SLAIN1: variants seen among roughly 807,000 people sequenced by gnomAD.
The protein encoded by SLAIN1 is SLAIN family member 1, also known as SLAIN motif-containing protein 1.
In SLAIN1, 17 loss-of-function variants were observed where a neutral mutation model predicts 55.4. That is an observed-to-expected ratio of 0.31 (90% CI 0.21 to 0.46). SLAIN1 has a LOEUF of 0.46. Among genes scored for constraint, SLAIN1 ranks in the 20% least tolerant of loss-of-function variants. SLAIN1 has a pLI of 1.00. For synonymous variants in SLAIN1, 348 were observed against 337.4 expected (o/e 1.03, Z -0.35); for missense variants, 682 against 785.1 (o/e 0.87, Z 1.57).
chr13:77,762,875 A>G (rs1350858173), intron 6 of SLAIN1, among the ~76,000 whole-genome samples: 1 of 152,164 alleles, frequency 6.6e-6, no homozygotes, highest in African/African-American at 2.4e-5. Context: ...AATATGTTTT[A>G]TACATTAAGG....
chr13:77,737,493 A>G (rs1356077686), intron 2 of SLAIN1, among the ~76,000 whole-genome samples: 1 of 152,096 alleles, frequency 6.6e-6, no homozygotes, highest in Non-Finnish European at 1.5e-5. Context: ...ATGTGTATAG[A>G]TATGAGACAG....
intron 1 of SLAIN1, among the ~76,000 whole-genome samples, chr13:77,702,074 A>G (rs967372206): frequency 6.0e-5 from 9 of 150,034 alleles, no homozygotes; most frequent in African/African-American, 2.2e-4. Flanking sequence ...AATTTCATCC[A>G]TGTCCCTACA....
intron 1 of SLAIN1, among the ~76,000 whole-genome samples, chr13:77,715,202 T>G (rs2091194975): frequency 6.6e-6 from 1 of 152,116 alleles, no homozygotes; most frequent in Admixed American, 6.6e-5. Context: ...TACTCTTCCA[T>G]TTGTTTGTTT....
chr13:77,741,921 C>A (rs1873470785), intron 2 of SLAIN1, among the ~76,000 whole-genome samples: 1 of 152,000 alleles, frequency 6.6e-6, no homozygotes, highest in Non-Finnish European at 1.5e-5. Context: ...CAAGTTATTT[C>A]TTGAAGTTTA....
Position 77,763,424 on chromosome 13 carries a change from C to G in SLAIN1, c.*204C>G. ...CCTGAGATACTGCAACATTCTCAAA[C>G]CCATGGTTGCAGTATTGTGACACTT... On this transcript the variant is annotated 3_prime_UTR_variant, in exon 7 of 7. Transcript: ENST00000418532. The G allele has an allele frequency of 1.8e-6, 1 of 562,840 alleles. No homozygotes were observed. Among genetic ancestry groups the G allele is most frequent in the Non-Finnish European group, 3.1e-6 (1 of 317,512 alleles). 34.9% of individuals were successfully genotyped at this position (562,840 alleles called of 1,614,324 possible). A position where few individuals can be genotyped will look rare whatever the true frequency, so the allele number is the denominator to read the frequency against.
At chr13:77,708,068 T>C (rs936841412) in intron 1 of SLAIN1, among the ~76,000 whole-genome samples, 1 of 152,142 alleles carries the variant, frequency 6.6e-6, no homozygotes, top group East Asian at 1.9e-4. Flanking sequence ...ACAATAGGAA[T>C]TGGACTATGG....
intron 2 of SLAIN1, among the ~76,000 whole-genome samples, chr13:77,725,180 C>G (rs1264140215): frequency 6.6e-6 from 1 of 152,142 alleles, no homozygotes; most frequent in Non-Finnish European, 1.5e-5. Flanking sequence ...CTCTTATATT[C>G]AGGGCATAGA....
chr13:77,757,804 T>C (rs188019167), intron 5 of SLAIN1, among the ~76,000 whole-genome samples: 44 of 152,300 alleles, frequency 2.9e-4, no homozygotes, highest in Middle Eastern at 3.4e-3. Context: ...GGTGTATATA[T>C]ACCACAGTTC....
chr13:77,741,246 T>C, intron 2 of SLAIN1: 1 of 986,908 alleles, frequency 1.0e-6, no homozygotes, highest in Non-Finnish European at 1.2e-6. Flanking sequence ...ATTGGTCTTT[T>C]AAAATATAGA....
intron 1 of SLAIN1, among the ~76,000 whole-genome samples, chr13:77,714,605 C>G (rs1444955456): frequency 1.3e-5 from 2 of 152,114 alleles, no homozygotes; most frequent in African/African-American, 4.8e-5. Flanking sequence ...AGAGCAAGAC[C>G]ATGTCTCAAA....
chr13:77,697,941 T>A lies in SLAIN1; in HGVS notation c.28T>A (p.Ser10Thr). 1 of 1,425,780 alleles carries A rather than the reference T, an allele frequency of 7.0e-7. No individual in the cohort carries two copies. The highest frequency in any genetic ancestry group is 1.3e-5 in the South Asian group (1 of 76,086). The allele number at this position is 1,425,780 out of a possible 1,614,324, so 88.3% of individuals were successfully genotyped here. ...GATGGCGGAGCAGGTGAAATGCGCC[T>A]CGGCAGGGGTCAGCTCTGGAGCGGG... MMAEQVKCA[S>T]AGVSSGAGSG... Residue 10 changes from serine (S) to threonine (T), a missense_variant, in exon 1 of 7, where the codon TCG becomes ACG. Ser to Thr is a moderately conservative substitution (Grantham distance 58). Around this residue, in one of 3 missense-constraint regions of SLAIN1, gnomAD observed 401 missense variants for 417.3 expected, o/e 0.96. Coordinates refer to ENST00000418532, the MANE Select transcript of SLAIN1 (RefSeq NM_001242868.2).
At chr13:77,749,043 T>C (rs1874033867) in intron 4 of SLAIN1, among the ~76,000 whole-genome samples, 1 of 152,164 alleles carries the variant, frequency 6.6e-6, no homozygotes, top group Non-Finnish European at 1.5e-5. Context: ...GATTCAGATG[T>C]CCTAGCCTGC....
At chr13:77,742,992 T>C (rs979759483) in intron 2 of SLAIN1, 7 of 1,274,628 alleles carry the variant, frequency 5.5e-6, no homozygotes, top group Non-Finnish European at 7.2e-6. Context: ...AGCTAACTGC[T>C]GCTATTTTCT....
chr13:77,701,011 C>A (rs1202358320), intron 1 of SLAIN1, among the ~76,000 whole-genome samples: 1 of 152,120 alleles, frequency 6.6e-6, no homozygotes, highest in Non-Finnish European at 1.5e-5. Context: ...ATATACACAT[C>A]AGTTTTTTTT....
intron 1 of SLAIN1, among the ~76,000 whole-genome samples, chr13:77,718,417 G>T (rs546611629): frequency 1.3e-5 from 2 of 152,194 alleles, no homozygotes; most frequent in African/African-American, 4.8e-5. Flanking sequence ...AGATCATGTG[G>T]CTTACAAAGC....
At chr13:77,754,859 C>T (rs555717368) in intron 5 of SLAIN1, among the ~76,000 whole-genome samples, 1 of 152,072 alleles carries the variant, frequency 6.6e-6, no homozygotes, top group Non-Finnish European at 1.5e-5. Flanking sequence ...GACGTATTGC[C>T]AGAACATAAG....
chr13:77,730,563 G>T (rs549499961), intron 2 of SLAIN1, among the ~76,000 whole-genome samples: 11 of 152,198 alleles, frequency 7.2e-5, no homozygotes, highest in African/African-American at 2.6e-4. Context: ...ATTTGTTGAT[G>T]TTCTCAATTA....
intron 1 of SLAIN1, among the ~76,000 whole-genome samples, chr13:77,710,414 AC>A (rs1330029494): frequency 1.4e-4 from 21 of 151,864 alleles, no homozygotes; most frequent in Non-Finnish European, 2.8e-4. Context: ...ACAAAAAAAA[AC>A]AAAACAAAAA....
chr13:77,740,574 A>G (rs1218038310), intron 2 of SLAIN1, among the ~76,000 whole-genome samples: 1 of 140,336 alleles, frequency 7.1e-6, no homozygotes, highest in Non-Finnish European at 1.6e-5. Context: ...GTAGGAGTAT[A>G]GGGAAATTTA....
Sources: allele counts gnomAD v4.1 joint callset (sites outside exome capture counted in the v4.1 genomes callset), GRCh38; gene constraint gnomAD v4.1.1; regional missense constraint gnomAD v4.1.1; transcripts MANE v1.5; gene names NCBI Gene and HGNC (gene_info 2026-07-23, HGNC 2026-07-21).